TTC34: variants seen among roughly 807,000 people sequenced by gnomAD.
TTC34 encodes tetratricopeptide repeat protein 34.
A neutral mutation model predicts 40.7 loss-of-function variants in TTC34; 44 were observed. That is an observed-to-expected ratio of 1.08 (90% CI 0.85 to 1.39). The LOEUF (loss-of-function observed/expected upper bound fraction) is 1.39. Ranked by LOEUF, TTC34 falls within the 40% of genes most tolerant of loss-of-function variation. The pLI is 0.00. For missense variants in TTC34, 884 were observed against 838.0 expected (o/e 1.05, Z -0.68); for synonymous variants, 422 against 398.6 (o/e 1.06, Z -0.70).
chr1:2,756,466 CCCCCAGGCGAGTA>C (rs1641509426), intron 6 of TTC34, among the ~76,000 whole-genome samples: 1 of 31,048 alleles, frequency 3.2e-5, no homozygotes, highest in Non-Finnish European at 5.8e-5. Context: ...AGCAACCACA[CCCCCAGGCGAGTA>C]TCTGACAGCC....
chr1:2,800,791 G>A (rs896112748), exon 2 of TTC34: 15 of 398,560 alleles, frequency 3.8e-5, no homozygotes, highest in Non-Finnish European at 4.9e-5. Flanking sequence ...TCCCCCTCCC[G>A]GCAGAGGCAG....
intron 6 of TTC34, among the ~76,000 whole-genome samples, chr1:2,675,196 G>A (rs1553153488): frequency 1.2e-5 from 1 of 81,306 alleles, no homozygotes; most frequent in Non-Finnish European, 3.0e-5. Context: ...GAGCAGCACC[G>A]ACAACCCCAG....
chr1:2,775,643 C>T (rs150164265), intron 6 of TTC34: 2 of 148,920 alleles, frequency 1.3e-5, no homozygotes, highest in Non-Finnish European at 2.9e-5. Flanking sequence ...AGGTGAGCAT[C>T]TGACAGGATA....
rs1269970000 is a variant in TTC34, at chr1:2,755,572, A to G, written c.2226+28037T>C. 2.6e-5 allele frequency among the ~76,000 whole-genome samples: 3 copies of G among 114,450 alleles called. 1 individual carries two copies. Among genetic ancestry groups the G allele is most frequent in the Non-Finnish European group, 5.1e-5 (3 of 58,266 alleles). The allele number at this position is 114,450 out of a possible 152,430, so 75.1% of individuals were successfully genotyped here. A position where few individuals can be genotyped will look rare whatever the true frequency, so the allele number is the denominator to read the frequency against. ...AGGCGAGCATCTGAAACCACGGAGC[A>G]GCACCCACACCTCCCGGCGAGCATC... On this transcript the variant is annotated intron_variant, in intron 6 of 8. Transcript: ENST00000401095.
chr1:2,752,111 C>G (rs1335814283), intron 6 of TTC34, among the ~76,000 whole-genome samples: 3 of 110,286 alleles, frequency 2.7e-5, no homozygotes, highest in African/African-American at 8.5e-5. Flanking sequence ...CATCGGACAG[C>G]CTGGAGCAAC....
At chr1:2,755,063 C>T (rs1240762586) in intron 6 of TTC34, among the ~76,000 whole-genome samples, 1 of 63,140 alleles carries the variant, frequency 1.6e-5, no homozygotes, top group African/African-American at 1.5e-4. Context: ...CCCTGCACCC[C>T]CAGGTGCGCA....
intron 6 of TTC34, among the ~76,000 whole-genome samples, chr1:2,692,292 G>T (rs149715640): frequency 1.6e-5 from 1 of 61,852 alleles, no homozygotes; most frequent in African/African-American, 5.4e-5. Context: ...ACAGCCTGGA[G>T]CAGCAGGCAC....
At chr1:2,647,703 A>T (rs775362509) in intron 6 of TTC34, among the ~76,000 whole-genome samples, 4 of 152,144 alleles carry the variant, frequency 2.6e-5, no homozygotes, top group Non-Finnish European at 5.9e-5. Flanking sequence ...GGCTGGTCTC[A>T]AACTCCTGGG....
At chr1:2,687,394 C>A (rs1483199891) in intron 6 of TTC34, among the ~76,000 whole-genome samples, 3 of 145,446 alleles carry the variant, frequency 2.1e-5, no homozygotes, top group African/African-American at 2.7e-5. Context: ...CAGCCTGGAA[C>A]GGCACCCACA....
chr1:2,688,449 C>T (rs545253670), intron 6 of TTC34, among the ~76,000 whole-genome samples: 12 of 97,902 alleles, frequency 1.2e-4, no homozygotes, highest in South Asian at 3.3e-4. Flanking sequence ...AGGACCCACA[C>T]CCCTAGGTGA....
chr1:2,687,106 G>A lies in TTC34; in HGVS notation c.2227-41543C>T, dbSNP rs1478471211. 7.0e-5 allele frequency among the ~76,000 whole-genome samples: 8 copies of A among 113,964 alleles called. 1 individual carries two copies. The highest frequency in any genetic ancestry group is 2.9e-4 in the South Asian group (1 of 3,428). The allele number at this position is 113,964 out of a possible 152,430, so 74.8% of individuals were successfully genotyped here. On this transcript the variant is annotated intron_variant, in intron 6 of 8. Coordinates refer to ENST00000401095, the Ensembl canonical transcript of TTC34. ...CACCCCCAGGTGAACATCCGACATCGTGGAGTAGCACCCCACACCCACAGG... is the reference window on the plus strand; with the variant it reads ...CACCCCCAGGTGAACATCCGACATCATGGAGTAGCACCCCACACCCACAGG...
At chr1:2,778,123 T>A (rs1643363897) in intron 6 of TTC34, among the ~76,000 whole-genome samples, 1 of 152,214 alleles carries the variant, frequency 6.6e-6, no homozygotes, top group South Asian at 2.1e-4. Flanking sequence ...GGTGCCCTGG[T>A]CCAGCAGCCT....
intron 6 of TTC34, among the ~76,000 whole-genome samples, chr1:2,647,044 G>C (rs1639032269): frequency 6.6e-6 from 1 of 152,108 alleles, no homozygotes; most frequent in Admixed American, 6.5e-5. Flanking sequence ...GTTGTTGTAT[G>C]TCATTTGTTC....
chr1:2,685,301 C>T (rs554253012), intron 6 of TTC34, among the ~76,000 whole-genome samples: 9 of 109,790 alleles, frequency 8.2e-5, no homozygotes, highest in African/African-American at 3.3e-4. Flanking sequence ...ATCCCACAGC[C>T]TGGAGCAGCA....
chr1:2,694,914 T>A (rs1411006753), intron 6 of TTC34, among the ~76,000 whole-genome samples: 5 of 6,234 alleles, frequency 8.0e-4, no homozygotes, highest in East Asian at 3.5e-3. Context: ...ACCCACACAC[T>A]CACGCGAGCA....
rs1212509818 is a variant in TTC34, at chr1:2,645,360, C to T, written c.2430G>A (p.Ala810=). The T allele has an allele frequency of 4.0e-5, 61 of 1,532,968 alleles. No homozygotes were observed. Among genetic ancestry groups the T allele is most frequent in the South Asian group, 1.3e-4 (11 of 83,800 alleles). 95.0% of individuals were successfully genotyped at this position (1,532,968 alleles called of 1,614,324 possible). A position where few individuals can be genotyped will look rare whatever the true frequency, so the allele number is the denominator to read the frequency against. The stretch of plus-strand genomic sequence containing the variant: ...GTTGCCCTGAGTCGATTTTGATCAG[C>T]GCCTCCCCCACAGCAAGGAGGCCCT... The change falls in exon 7 of 9, where the codon GCG becomes GCA. Residue 810 remains alanine (A), a synonymous_variant. Transcript: ENST00000401095. This position sits in a 1 kb window ranked among gnomAD's most constrained non-coding sequence, Gnocchi z 4.7.
chr1:2,652,328 C>A (rs1197746041), intron 6 of TTC34, among the ~76,000 whole-genome samples: 2 of 151,782 alleles, frequency 1.3e-5, no homozygotes, highest in Admixed American at 6.6e-5. Flanking sequence ...ACCCACACCC[C>A]CAGGTGAGCA....
chr1:2,639,070 G>A (rs540227426), exon 9 of TTC34: 1 of 152,338 alleles, frequency 6.6e-6, no homozygotes, highest in Admixed American at 6.5e-5. Context: ...CTTTTATAAG[G>A]ACACTAATCC....
intron 6 of TTC34, among the ~76,000 whole-genome samples, chr1:2,646,149 T>C (rs543960347): frequency 4.8e-4 from 73 of 152,288 alleles, no homozygotes; most frequent in African/African-American, 1.4e-3. Context: ...TGCCTCTTTA[T>C]ATTATCTTTC....
Sources: allele counts gnomAD v4.1 joint callset (sites outside exome capture counted in the v4.1 genomes callset), GRCh38; gene constraint gnomAD v4.1.1; non-coding constraint Gnocchi (gnomAD v3.1); transcripts MANE v1.5; gene names NCBI Gene and HGNC (gene_info 2026-07-23, HGNC 2026-07-21).